Variants in YTHDF1 observed in about 807,000 individuals in gnomAD.
YTHDF1 encodes YTH N6-methyladenosine RNA binding protein F1.
YTHDF1 carries 16 observed loss-of-function variants against 49.1 expected under a neutral mutation model. The observed-to-expected ratio is 0.33, with a 90% CI of 0.22 to 0.49. The LOEUF is 0.49. YTHDF1 is among the 20% of genes least tolerant of loss of function. The probability of loss-of-function intolerance (pLI) is 0.99; values close to 1 mark genes in which losing one functional copy is unlikely to be tolerated. For missense variants in YTHDF1, 621 were observed against 744.3 expected, an observed-to-expected ratio of 0.83 and a Z score of 1.93; for synonymous variants, 313 against 290.1, an observed-to-expected ratio of 1.08 and a Z score of -0.80.
chr20:63,201,489 G>C (rs143934072), intron 4 of YTHDF1, among the ~76,000 whole-genome samples: 3 of 152,268 alleles, frequency 2.0e-5, no homozygotes, highest in Non-Finnish European at 2.9e-5. Flanking sequence ...GCCAGTTTAC[G>C]GGCATCTGAG....
chr20:63,202,374 A>C lies in YTHDF1; in HGVS notation c.1566T>G (p.Ile522Met). 6.2e-7 allele frequency: 1 copy of C among 1,614,256 alleles called. No individual in the cohort carries two copies. The highest frequency in any genetic ancestry group is 8.5e-7 in the Non-Finnish European group (1 of 1,180,046). The change falls in exon 4 of 5, where the codon ATT (isoleucine) becomes ATG (methionine). Residue 522 changes from isoleucine (I) to methionine (M), a missense_variant. Ile to Met is a conservative substitution (Grantham distance 10). This residue lies in a region of YTHDF1 where 151 missense variants were observed against 248.5 expected (regional missense o/e 0.61). Coordinates refer to ENST00000370339, the MANE Select transcript of YTHDF1 (RefSeq NM_017798.4). ...PLEKAKQVLK[I>M]ISSYKHTTSI... ...AGGTTGTGTGCTTGTAGGAACTGATAATTTTCAGCACTTGCTTGGCTTTTT... is the reference window on the plus strand; with the variant it reads ...AGGTTGTGTGCTTGTAGGAACTGATCATTTTCAGCACTTGCTTGGCTTTTT...
In YTHDF1 at chr20:63,196,706, C is replaced by T; in HGVS notation, c.*2G>A. The T allele has an allele frequency of 1.9e-6, 3 of 1,613,976 alleles. No homozygotes were observed. Among genetic ancestry groups the T allele is most frequent in the Non-Finnish European group, 1.7e-6 (2 of 1,179,928 alleles). On this transcript the variant is annotated 3_prime_UTR_variant, in exon 5 of 5. Transcript: ENST00000370339. ...TAGAACATGTAAGAAACTGGTTCGC[C>T]CTCATTGTTTGTTTCGACTCTGCCG...
chr20:63,199,817 G>A (rs1049178349), intron 4 of YTHDF1, among the ~76,000 whole-genome samples: 2 of 143,166 alleles, frequency 1.4e-5, no homozygotes, highest in Admixed American at 1.4e-4. Flanking sequence ...CCAGCACTTT[G>A]TGAAGCCAAG....
rs755728542 is a variant in YTHDF1 at position 63,213,959 on chromosome 20, G to C, written c.53-16C>G. On this transcript the variant is annotated splice_polypyrimidine_tract_variant and intron_variant, in intron 2 of 4. Transcript: ENST00000370339. ...CCATTTTGTACTAGAACAAAAAGTTGCAAAATATTACCCTCAAATTTTAAA... is the reference window on the plus strand; with the variant it reads ...CCATTTTGTACTAGAACAAAAAGTTCCAAAATATTACCCTCAAATTTTAAA... 2.0e-5 allele frequency: 31 copies of C among 1,569,490 alleles called. No individual in the cohort carries two copies. The highest frequency in any genetic ancestry group is 2.6e-5 in the Non-Finnish European group (30 of 1,167,118).
rs569255835 is a variant in YTHDF1 at position 63,202,281 on chromosome 20, C to A, written c.1653+6G>T. 19 of 1,608,394 alleles carry A rather than the reference C, an allele frequency of 1.2e-5. No individual in the cohort carries two copies. The African/African-American group carries it at 2.0e-4, about 17-fold the overall frequency. ...CATGGCAGTTGCCTGCAACACCCAG[C>A]CTCACCTTGCGCACCACCTCCTCCT... On this transcript the variant is annotated splice_donor_region_variant and intron_variant, in intron 4 of 4. Coordinates refer to ENST00000370339, the MANE Select transcript of YTHDF1 (RefSeq NM_017798.4).
chr20:63,212,728 T>G (rs898482481), intron 3 of YTHDF1, among the ~76,000 whole-genome samples: 2 of 152,138 alleles, frequency 1.3e-5, no homozygotes, highest in Non-Finnish European at 2.9e-5. Flanking sequence ...CAGCTCCCAG[T>G]AGATTTTAAC....
Position 63,213,912 on chromosome 20 carries a change from T to A in YTHDF1, c.84A>T (p.Thr28=). The change falls in exon 3 of 5, where the codon ACA becomes ACT. Residue 28 remains threonine, a synonymous_variant. Coordinates refer to ENST00000370339, the MANE Select transcript of YTHDF1 (RefSeq NM_017798.4). ...VQNGSLHQKD[T]VHDNDFEPYL... ...AGGGCTCAAAGTCATTGTCATGAAC[T>A]GTATCCTTCTGATGTAACGAACCAT... 1 of 1,570,820 alleles carries A rather than the reference T, an allele frequency of 6.4e-7. No individual in the cohort carries two copies. The highest frequency in any genetic ancestry group is 8.6e-7 in the Non-Finnish European group (1 of 1,167,462).
At chr20:63,212,910 T>C (rs544251297) in intron 3 of YTHDF1, among the ~76,000 whole-genome samples, 121 of 152,286 alleles carry the variant, frequency 7.9e-4, no homozygotes, top group Middle Eastern at 3.4e-3. Context: ...CCGTGCAAAA[T>C]GTCCACAGTG....
intron 3 of YTHDF1, among the ~76,000 whole-genome samples, chr20:63,208,801 G>C (rs898113407): frequency 4.6e-5 from 7 of 152,334 alleles, no homozygotes; most frequent in Admixed American, 1.3e-4. Flanking sequence ...AGGCACAGCA[G>C]GAAGCCCTGT....
At chr20:63,212,473 G>A (rs570949816) in intron 3 of YTHDF1, among the ~76,000 whole-genome samples, 11 of 152,308 alleles carry the variant, frequency 7.2e-5, no homozygotes, top group African/African-American at 2.2e-4. Context: ...TTGGAGTGGC[G>A]GAGGAAGGAA....
At chr20:63,197,094 C>CA (rs1224396681) in intron 4 of YTHDF1, among the ~76,000 whole-genome samples, 2 of 152,204 alleles carry the variant, frequency 1.3e-5, no homozygotes, top group Non-Finnish European at 2.9e-5. Context: ...TCTCTGCACT[C>CA]AGAGGGAGGA....
intron 3 of YTHDF1, among the ~76,000 whole-genome samples, chr20:63,209,245 G>A (rs992297921): frequency 2.6e-5 from 4 of 152,154 alleles, no homozygotes; most frequent in Non-Finnish European, 5.9e-5. Context: ...TAGAAACACC[G>A]TCCACTTAAC....
At position 63,202,869 on chromosome 20, in the gene YTHDF1, A is replaced by G. The variant is rs745768949; in HGVS notation, c.1071T>C (p.Asn357=). The G allele has an allele frequency of 6.2e-7, 1 of 1,613,894 alleles. No individual in the cohort carries two copies. The highest frequency in any genetic ancestry group is 8.5e-7 in the Non-Finnish European group (1 of 1,180,044). ...DSNSPGNVQP[N]SAPSVESHPV... ...GGTGGGATTCGACGCTGGGGGCAGA[A>G]TTAGGCTGGACGTTTCCAGGAGAGT... The change falls in exon 4 of 5, where the codon AAT becomes AAC. Residue 357 remains asparagine (N), a synonymous_variant. Coordinates refer to ENST00000370339, the MANE Select transcript of YTHDF1 (RefSeq NM_017798.4).
chr20:63,199,416 G>A (rs1308426623), intron 4 of YTHDF1, among the ~76,000 whole-genome samples: 1 of 152,086 alleles, frequency 6.6e-6, no homozygotes, highest in Non-Finnish European at 1.5e-5. Context: ...CTACCCGGGA[G>A]GCTGAGGCAG....
intron 3 of YTHDF1, among the ~76,000 whole-genome samples, chr20:63,211,097 T>C (rs1276788543): frequency 4.9e-5 from 6 of 123,218 alleles, no homozygotes; most frequent in Non-Finnish European, 8.7e-5. Flanking sequence ...ATTCTAAGTA[T>C]GACAGTTTCA....
chr20:63,205,421 C>T (rs965680065), intron 3 of YTHDF1, among the ~76,000 whole-genome samples: 1 of 152,208 alleles, frequency 6.6e-6, no homozygotes, highest in South Asian at 2.1e-4. Flanking sequence ...CTGCTCCCAT[C>T]CTAGAATACT....
intron 2 of YTHDF1, 106 bp from the exon 3 acceptor site, chr20:63,214,049 T>A (rs1469733386): frequency 2.1e-6 from 3 of 1,451,330 alleles, no homozygotes; most frequent in Admixed American, 3.0e-5. Flanking sequence ...CTAGCAGAAA[T>A]TATGCTTTAA....
chr20:63,203,121 G>A lies in YTHDF1; in HGVS notation c.819C>T (p.Thr273=), dbSNP rs766071323. The A allele has an allele frequency of 2.5e-6, 4 of 1,612,484 alleles. No individual in the cohort carries two copies. In the South Asian group the frequency reaches 4.4e-5, roughly 18 times the overall value. ...PPIKHNMDIG[T]WDNKGPVPKA... The stretch of plus-strand genomic sequence containing the variant: ...TCGGCACAGGCCCCTTGTTATCCCA[G>A]GTGCCAATGTCCATGTTATGCTTTA... Residue 273 remains threonine (T), a synonymous_variant, in exon 4 of 5, where the codon ACC becomes ACT. Transcript: ENST00000370339. This position sits in a 1 kb window ranked among gnomAD's most constrained non-coding sequence, Gnocchi z 4.4.
rs892135036 is a variant in YTHDF1 at position 63,209,521 on chromosome 20, G to A, written c.132+4343C>T. Among the ~76,000 whole-genome samples the A allele has an allele frequency of 3.3e-5, 5 of 152,060 alleles. No individual in the cohort carries two copies. The East Asian group carries it at 9.6e-4, about 29-fold the overall frequency. Reference sequence around the variant, plus strand: ...ACAGTGGCTCATGCCTATAATCCCAGCCCTCTGGGAGGCCGAGGCAGGAGG... The same window carrying A: ...ACAGTGGCTCATGCCTATAATCCCAACCCTCTGGGAGGCCGAGGCAGGAGG... On this transcript the variant is annotated intron_variant, in intron 3 of 4. Transcript: ENST00000370339.
Sources: gnomAD v4.1 joint callset for allele counts (sites outside exome capture counted in the v4.1 genomes callset) on GRCh38, gnomAD v4.1.1 for gene constraint, gnomAD v4.1.1 regional missense constraint, Gnocchi (gnomAD v3.1) non-coding constraint, MANE v1.5 for transcripts, NCBI Gene and HGNC (gene_info 2026-07-23, HGNC 2026-07-21) for gene names.